The following ACBD6 variants were observed in gnomAD, a reference collection of about 807,000 sequenced individuals.
The protein encoded by ACBD6 is acyl-CoA binding domain containing 6.
A neutral mutation model predicts 37.2 loss-of-function variants in ACBD6; 28 were observed. That is an observed-to-expected ratio of 0.75 (90% CI 0.56 to 1.03). The LOEUF is 1.03. ACBD6 is among the 50% of genes least tolerant of loss of function. ACBD6 has a pLI of 0.00. For synonymous variants in ACBD6, 113 were observed against 126.8 expected, an observed-to-expected ratio of 0.89 and a Z score of 0.73; for missense variants, 340 against 337.4, an observed-to-expected ratio of 1.01 and a Z score of -0.06.
At chr1:180,378,674 C>T (rs1329279874) in intron 6 of ACBD6, among the ~76,000 whole-genome samples, 1 of 152,154 alleles carries the variant, frequency 6.6e-6, no homozygotes, top group Admixed American at 6.5e-5. Flanking sequence ...CTCCAGAGGC[C>T]TAGGGAATGT....
intron 3 of ACBD6, among the ~76,000 whole-genome samples, chr1:180,473,064 A>T (rs1650629572): frequency 6.6e-6 from 1 of 152,238 alleles, no homozygotes; most frequent in South Asian, 2.1e-4. Flanking sequence ...ATGTAGAAAA[A>T]GCAGAAAGAT....
At chr1:180,389,238 G>A (rs186525912) in intron 6 of ACBD6, among the ~76,000 whole-genome samples, 69 of 152,298 alleles carry the variant, frequency 4.5e-4, no homozygotes, top group African/African-American at 1.5e-3. Context: ...ACCTATGAGT[G>A]AGAACATGCG....
At chr1:180,374,869 T>A (rs1364746814) in intron 6 of ACBD6, among the ~76,000 whole-genome samples, 1 of 152,120 alleles carries the variant, frequency 6.6e-6, no homozygotes, top group East Asian at 1.9e-4. Flanking sequence ...AAACATTTTA[T>A]AGCAAAAATA....
intron 6 of ACBD6, among the ~76,000 whole-genome samples, chr1:180,354,934 T>C (rs765498360): frequency 4.3e-4 from 66 of 152,198 alleles, no homozygotes; most frequent in Non-Finnish European, 5.7e-4. Context: ...ATACGCAACA[T>C]TGTCTCTGAA....
At chr1:180,426,768 G>A (rs1362257017) in intron 4 of ACBD6, among the ~76,000 whole-genome samples, 1 of 152,152 alleles carries the variant, frequency 6.6e-6, no homozygotes, top group South Asian at 2.1e-4. Context: ...GGTACTGTTC[G>A]AGGATGTCTA....
intron 6 of ACBD6, among the ~76,000 whole-genome samples, chr1:180,375,179 T>C (rs1653388815): frequency 6.6e-6 from 1 of 152,156 alleles, no homozygotes; most frequent in South Asian, 2.1e-4. Context: ...GAAATACCTA[T>C]TCTAGACATT....
chr1:180,392,953 A>C (rs1185391032), intron 6 of ACBD6, among the ~76,000 whole-genome samples: 1 of 152,194 alleles, frequency 6.6e-6, no homozygotes, highest in Non-Finnish European at 1.5e-5. Context: ...ACTGACACAT[A>C]CACCACAGAT....
At chr1:180,372,340 TAC>T (rs1175789834) in intron 6 of ACBD6, among the ~76,000 whole-genome samples, 1 of 152,178 alleles carries the variant, frequency 6.6e-6, no homozygotes, top group Non-Finnish European at 1.5e-5. Flanking sequence ...TTAAATAAGT[TAC>T]AGACATCATG....
intron 6 of ACBD6, among the ~76,000 whole-genome samples, chr1:180,397,085 G>C (rs1036826171): frequency 2.0e-5 from 3 of 152,106 alleles, no homozygotes; most frequent in African/African-American, 2.4e-5. Context: ...AACAACATTT[G>C]GGATATCCAA....
intron 6 of ACBD6, among the ~76,000 whole-genome samples, chr1:180,338,224 G>T (rs551595579): frequency 2.9e-4 from 44 of 152,280 alleles, no homozygotes; most frequent in African/African-American, 1.0e-3. Flanking sequence ...ACATTGCCAA[G>T]TCAATCCTAA....
chr1:180,274,613 G>A (rs769698383), intron 10 of ACBD6: 2 of 1,521,626 alleles, frequency 1.3e-6, no homozygotes, highest in Admixed American at 4.0e-5. Flanking sequence ...TGCCCCCCTG[G>A]CTTGAGAGAA....
At chr1:180,367,135 A>C (rs1166060076) in intron 6 of ACBD6, among the ~76,000 whole-genome samples, 2 of 152,248 alleles carry the variant, frequency 1.3e-5, no homozygotes, top group Non-Finnish European at 2.9e-5. Context: ...CGATCTGTAA[A>C]TACTGGTTTA....
intron 5 of ACBD6, among the ~76,000 whole-genome samples, chr1:180,407,032 G>A (rs1647654542): frequency 6.6e-6 from 1 of 152,020 alleles, no homozygotes; most frequent in African/African-American, 2.4e-5. Context: ...ATGTGATGAA[G>A]CAATACTATT....
chr1:180,274,613 GCTTGA>G, intron 10 of ACBD6: 1 of 1,521,626 alleles, frequency 6.6e-7, no homozygotes, highest in Non-Finnish European at 8.8e-7. Context: ...TGCCCCCCTG[GCTTGA>G]GAGAATATCT....
intron 4 of ACBD6, among the ~76,000 whole-genome samples, chr1:180,425,269 G>C (rs931217039): frequency 6.6e-6 from 1 of 152,190 alleles, no homozygotes; most frequent in Non-Finnish European, 1.5e-5. Flanking sequence ...GGTTTTACAG[G>C]CTGAATAAAT....
intron 6 of ACBD6, among the ~76,000 whole-genome samples, chr1:180,344,289 C>T (rs944811882): frequency 2.0e-5 from 3 of 152,044 alleles, no homozygotes; most frequent in Admixed American, 6.6e-5. Context: ...ACATTTTAGA[C>T]CACAGAGAAT....
Position 180,407,713 on chromosome 1 carries a change from G to A in ACBD6, c.573+5653C>T, listed in dbSNP as rs529093605. ...ATATGGATTTGAGCAAGTAAATGTA[G>A]GTCTCTGAACTTCAGTTCCTGTCTG... On this transcript the variant is annotated intron_variant, in intron 5 of 7. Transcript: ENST00000367595. 3.3e-5 allele frequency among the ~76,000 whole-genome samples: 5 copies of A among 152,246 alleles called. No homozygotes were observed. The East Asian group carries it at 9.7e-4, about 29-fold the overall frequency.
chr1:180,478,401 T>C (rs945543782), intron 3 of ACBD6, among the ~76,000 whole-genome samples: 3 of 152,172 alleles, frequency 2.0e-5, no homozygotes, highest in Non-Finnish European at 4.4e-5. Context: ...CAATTCAATT[T>C]ATAATACTTA....
intron 6 of ACBD6, among the ~76,000 whole-genome samples, chr1:180,371,411 AG>A (rs1299904863): frequency 6.6e-6 from 1 of 152,146 alleles, no homozygotes; most frequent in African/African-American, 2.4e-5. Context: ...AAGGTCTGGC[AG>A]GTAGATACAG....
Sources: gnomAD v4.1 joint callset for allele counts (sites outside exome capture counted in the v4.1 genomes callset) on GRCh38, gnomAD v4.1.1 for gene constraint, MANE v1.5 for transcripts, NCBI Gene and HGNC (gene_info 2026-07-23, HGNC 2026-07-21) for gene names.